FSTL4: variants seen among roughly 807,000 people sequenced by gnomAD.
FSTL4 encodes the protein follistatin like 4, also known as follistatin-related protein 4.
FSTL4 carries 28 observed loss-of-function variants against 78.2 expected under a neutral mutation model. The observed-to-expected ratio is 0.36, with a 90% CI of 0.27 to 0.49. The LOEUF (loss-of-function observed/expected upper bound fraction) is 0.49, where lower values mean the gene tolerates loss of function less well. FSTL4 is among the 20% of genes least tolerant of loss of function. FSTL4 has a pLI of 0.98. For missense variants in FSTL4, 922 were observed against 1,084.9 expected (o/e 0.85, Z 2.11); for synonymous variants, 422 against 440.5 (o/e 0.96, Z 0.53).
the FSTL4 span, among the ~76,000 whole-genome samples, chr5:133,696,075 G>A: frequency 6.6e-6 from 1 of 152,222 alleles, no homozygotes; most frequent in Admixed American, 6.5e-5. Context: ...AACCCTGTGA[G>A]GTGGCTCTTA....
chr5:133,398,399 G>C (rs143360220), intron 4 of FSTL4, among the ~76,000 whole-genome samples: 39 of 152,260 alleles, frequency 2.6e-4, no homozygotes, highest in African/African-American at 9.1e-4. Flanking sequence ...TGCTGGGAGA[G>C]GCCCCAGCAA....
chr5:133,836,458 G>A, the FSTL4 span, among the ~76,000 whole-genome samples: 56 of 152,208 alleles, frequency 3.7e-4, 1 homozygote, highest in South Asian at 0.011. Context: ...ACTGCCATTT[G>A]TACATTGTTG....
chr5:133,481,502 C>T (rs1580736637), intron 3 of FSTL4, among the ~76,000 whole-genome samples: 1 of 148,472 alleles, frequency 6.7e-6, no homozygotes. Flanking sequence ...AGATTGCGCC[C>T]CTGCACTCCA....
the FSTL4 span, among the ~76,000 whole-genome samples, chr5:133,636,216 C>G: frequency 6.6e-6 from 1 of 152,286 alleles, no homozygotes; most frequent in East Asian, 1.9e-4. Flanking sequence ...AGAACAGAAG[C>G]CTGATATTCA....
chr5:133,260,180 C>T lies in FSTL4; in HGVS notation c.728-10604G>A, dbSNP rs138229279. On this transcript the variant is annotated intron_variant, in intron 6 of 15. Coordinates refer to ENST00000265342, the MANE Select transcript of FSTL4 (RefSeq NM_015082.2). Reference sequence around the variant, plus strand: ...GTGTCCGGCGGGCCGCTCGAGCAGCCGAAGGCAGACACAGAGCCTCCCCTA... The same window carrying T: ...GTGTCCGGCGGGCCGCTCGAGCAGCTGAAGGCAGACACAGAGCCTCCCCTA... 5.4e-3 allele frequency among the ~76,000 whole-genome samples: 827 copies of T among 152,286 alleles called. 1 individual carries two copies. Among genetic ancestry groups the T allele is most frequent in the Non-Finnish European group, 9.0e-3 (615 of 68,030 alleles).
At chr5:133,835,036 G>A in the FSTL4 span, among the ~76,000 whole-genome samples, 3 of 152,082 alleles carry the variant, frequency 2.0e-5, 1 homozygote, top group Non-Finnish European at 4.4e-5. Flanking sequence ...AATTAAGAAA[G>A]ATCCAGATGC....
At chr5:133,284,891 A>G (rs1420317251) in intron 6 of FSTL4, among the ~76,000 whole-genome samples, 2 of 152,204 alleles carry the variant, frequency 1.3e-5, no homozygotes, top group Admixed American at 6.5e-5. Flanking sequence ...ACCCACGGGA[A>G]GAGACAGGCT....
intron 3 of FSTL4, among the ~76,000 whole-genome samples, chr5:133,491,214 C>T (rs1409687987): frequency 1.3e-5 from 2 of 151,944 alleles, no homozygotes; most frequent in Non-Finnish European, 2.9e-5. Context: ...GTAAATTTGT[C>T]GATGTTATTG....
At chr5:133,835,421 A>G in the FSTL4 span, among the ~76,000 whole-genome samples, 1 of 152,212 alleles carries the variant, frequency 6.6e-6, no homozygotes, top group African/African-American at 2.4e-5. Flanking sequence ...GAAGAGCACC[A>G]AAATGGACGT....
At chr5:133,470,130 C>T (rs543685181) in intron 3 of FSTL4, among the ~76,000 whole-genome samples, 77 of 152,208 alleles carry the variant, frequency 5.1e-4, no homozygotes, top group African/African-American at 1.8e-3. Context: ...ACAGGCCCTG[C>T]CCTGGAATAA....
rs974081911 is a variant in FSTL4, at chr5:133,197,903, C to T, written c.*1192G>A. On this transcript the variant is annotated 3_prime_UTR_variant, in exon 16 of 16. Transcript: ENST00000265342. ...CATAAGGAGAATGCAGTAGTGCCAG[C>T]CTGTGGCCTTCTGTTCTGGGTTCTG... The T allele has an allele frequency of 6.6e-6, 1 of 152,388 alleles. No homozygotes were observed. Among genetic ancestry groups the T allele is most frequent in the African/African-American group, 2.4e-5 (1 of 41,402 alleles). The allele number at this position is 152,388 out of a possible 1,614,324, so 9.4% of individuals were successfully genotyped here. A position where few individuals can be genotyped will look rare whatever the true frequency, so the allele number is the denominator to read the frequency against.
intron 15 of FSTL4, among the ~76,000 whole-genome samples, chr5:133,201,169 G>C (rs1467479822): frequency 1.3e-5 from 2 of 152,196 alleles, no homozygotes; most frequent in African/African-American, 4.8e-5. Flanking sequence ...GGTATAAATA[G>C]TGCTACAAGA....
Position 133,277,372 on chromosome 5 carries a change from G to C in FSTL4, c.728-27796C>G, listed in dbSNP as rs535761917. ...TGTGTCAGGTAGGAGGACGGGTATG[G>C]GGATTGGGTGCAGGCAGGAAGGAGG... On this transcript the variant is annotated intron_variant, in intron 6 of 15. Coordinates refer to ENST00000265342, the MANE Select transcript of FSTL4 (RefSeq NM_015082.2). Among the ~76,000 whole-genome samples the C allele has an allele frequency of 1.6e-4, 24 of 152,216 alleles. No individual in the cohort carries two copies. The East Asian group carries it at 4.6e-3, about 29-fold the overall frequency.
At chr5:133,545,712 GAATTGTTCCAA>G (rs1759560820) in intron 3 of FSTL4, among the ~76,000 whole-genome samples, 1 of 152,172 alleles carries the variant, frequency 6.6e-6, no homozygotes, top group African/African-American at 2.4e-5. Context: ...ACAATTTTGT[GAATTGTTCCAA>G]AATTGTTCCA....
intron 4 of FSTL4, among the ~76,000 whole-genome samples, chr5:133,324,351 G>A (rs1208725309): frequency 6.6e-6 from 1 of 152,246 alleles, no homozygotes; most frequent in Non-Finnish European, 1.5e-5. Flanking sequence ...ATGTGGTCAA[G>A]GCCCAAGCCT....
the FSTL4 span, among the ~76,000 whole-genome samples, chr5:133,647,483 G>A: frequency 3.6e-3 from 545 of 152,212 alleles, 3 homozygotes; most frequent in African/African-American, 0.012. Context: ...CCTGCACAGG[G>A]CCTACCAGCA....
the FSTL4 span, among the ~76,000 whole-genome samples, chr5:133,719,110 T>C: frequency 6.6e-6 from 1 of 152,216 alleles, no homozygotes; most frequent in Admixed American, 6.5e-5. Context: ...CTCTTATGCT[T>C]TGGCTACATT....
the FSTL4 span, among the ~76,000 whole-genome samples, chr5:133,740,268 A>G: frequency 6.6e-6 from 1 of 152,144 alleles, no homozygotes; most frequent in Non-Finnish European, 1.5e-5. Context: ...CCTGGGATTG[A>G]CACATCAAAC....
the FSTL4 span, among the ~76,000 whole-genome samples, chr5:133,749,745 TC>T: frequency 1.3e-5 from 2 of 152,176 alleles, no homozygotes; most frequent in Admixed American, 6.5e-5. Flanking sequence ...GTCAAGCTCT[TC>T]CCTCCCACGA....
Sources: allele counts gnomAD v4.1 joint callset (sites outside exome capture counted in the v4.1 genomes callset), GRCh38; gene constraint gnomAD v4.1.1; transcripts MANE v1.5; gene names NCBI Gene and HGNC (gene_info 2026-07-23, HGNC 2026-07-21).